DSCAM: variants seen among roughly 807,000 people sequenced by gnomAD.
DSCAM encodes DS cell adhesion molecule.
In DSCAM, 47 loss-of-function variants were observed where a neutral mutation model predicts 217.7. The observed-to-expected ratio is 0.22, with a 90% CI of 0.17 to 0.28. The LOEUF (loss-of-function observed/expected upper bound fraction) is 0.28. DSCAM is among the 10% of genes least tolerant of loss of function. The pLI, the probability that DSCAM is intolerant of heterozygous loss-of-function variation, is 1.00. For synonymous variants in DSCAM, 1,056 were observed against 1,015.3 expected, an observed-to-expected ratio of 1.04 and a Z score of -0.76; for missense variants, 2,080 against 2,618.3, an observed-to-expected ratio of 0.79 and a Z score of 4.49.
intron 3 of DSCAM, among the ~76,000 whole-genome samples, chr21:40,542,902 C>A (rs888212833): frequency 6.6e-6 from 1 of 152,096 alleles, no homozygotes; most frequent in Non-Finnish European, 1.5e-5. Flanking sequence ...GAAACGACCC[C>A]AGGAAAGAGC....
chr21:40,778,473 T>G (rs1305060460), intron 1 of DSCAM, among the ~76,000 whole-genome samples: 3 of 152,198 alleles, frequency 2.0e-5, no homozygotes, highest in African/African-American at 7.2e-5. Context: ...CTGCTTTTGT[T>G]TTTTGTTTGC....
chr21:40,485,759 T>C (rs546924570), intron 3 of DSCAM, among the ~76,000 whole-genome samples: 3 of 152,278 alleles, frequency 2.0e-5, no homozygotes, highest in East Asian at 3.9e-4. Flanking sequence ...TAAACCTGTA[T>C]ACTTAAATTG....
intron 1 of DSCAM, among the ~76,000 whole-genome samples, chr21:40,819,082 A>T (rs2837837): frequency 0.069 from 10,508 of 152,266 alleles, 445 homozygotes; most frequent in East Asian, 0.12. Context: ...GGTAGGCTGG[A>T]TTCTTCACTG....
At chr21:40,475,227 G>A (rs949208742) in intron 3 of DSCAM, among the ~76,000 whole-genome samples, 5 of 152,204 alleles carry the variant, frequency 3.3e-5, no homozygotes, top group East Asian at 3.8e-4. Flanking sequence ...TTTATTCCAC[G>A]TTTAAACCTT....
chr21:40,093,997 A>C, intron 20 of DSCAM, 123 bp from the exon 21 acceptor site: 1 of 1,026,170 alleles, frequency 9.7e-7, no homozygotes, highest in Non-Finnish European at 1.4e-6. Context: ...ACTCTCCTCT[A>C]AAAGGCTGGC....
At chr21:40,673,877 C>T (rs112421286) in intron 3 of DSCAM, among the ~76,000 whole-genome samples, 28 of 152,286 alleles carry the variant, frequency 1.8e-4, no homozygotes, top group African/African-American at 6.3e-4. Flanking sequence ...CTATAGCCTG[C>T]AGAACCGTGA....
intron 11 of DSCAM, among the ~76,000 whole-genome samples, chr21:40,267,292 A>G (rs1257826783): frequency 2.0e-5 from 3 of 151,954 alleles, no homozygotes; most frequent in African/African-American, 7.3e-5. Flanking sequence ...TAGAAGGAGT[A>G]GTCTAAAGTA....
At chr21:40,753,648 T>C (rs973407254) in intron 1 of DSCAM, among the ~76,000 whole-genome samples, 3 of 152,226 alleles carry the variant, frequency 2.0e-5, no homozygotes, top group Admixed American at 6.5e-5. Flanking sequence ...TGGTAGTAAT[T>C]GCTTTTAAAC....
chr21:40,536,318 G>A (rs2076495742), intron 3 of DSCAM, among the ~76,000 whole-genome samples: 1 of 149,738 alleles, frequency 6.7e-6, no homozygotes, highest in South Asian at 2.2e-4. Flanking sequence ...TCATTACAGA[G>A]GTGATGTGAA....
At chr21:40,033,305 T>C (rs1324368931) in intron 32 of DSCAM, among the ~76,000 whole-genome samples, 1 of 151,840 alleles carries the variant, frequency 6.6e-6, no homozygotes, top group Non-Finnish European at 1.5e-5. Context: ...TGGGCGCAGG[T>C]CAGTGGGTGT....
rs569131925 is a variant in DSCAM at position 40,205,165 on chromosome 21, C to T, written c.2357-15927G>A. On this transcript the variant is annotated intron_variant, in intron 11 of 32. Coordinates refer to ENST00000400454, the MANE Select transcript of DSCAM (RefSeq NM_001389.5). ...GTGTAAAGGTCCCTCCCAGGGGAGA[C>T]GAACAGACACTAATTGAGGTATTGA... Among the ~76,000 whole-genome samples, 28 of 152,294 alleles carry T rather than the reference C, an allele frequency of 1.8e-4. 1 individual carries two copies. The East Asian group carries it at 4.7e-3, about 25-fold the overall frequency.
At chr21:40,706,464 A>C (rs933270878) in intron 2 of DSCAM, among the ~76,000 whole-genome samples, 2 of 152,174 alleles carry the variant, frequency 1.3e-5, no homozygotes, top group African/African-American at 4.8e-5. Flanking sequence ...CCTAGGTCAA[A>C]ATTTCTGAAA....
chr21:40,537,280 G>A (rs1236782666), intron 3 of DSCAM, among the ~76,000 whole-genome samples: 1 of 152,218 alleles, frequency 6.6e-6, no homozygotes, highest in Middle Eastern at 3.2e-3. Context: ...GTGAGGAAGG[G>A]AGGTAGGTCG....
chr21:40,514,637 C>T (rs1397818456), intron 3 of DSCAM, among the ~76,000 whole-genome samples: 1 of 152,166 alleles, frequency 6.6e-6, no homozygotes, highest in Non-Finnish European at 1.5e-5. Flanking sequence ...AACTAACGAT[C>T]CTTTATGAAA....
At chr21:40,354,270 C>T (rs1569080805) in intron 4 of DSCAM, among the ~76,000 whole-genome samples, 1 of 152,134 alleles carries the variant, frequency 6.6e-6, no homozygotes. Flanking sequence ...ATCCCAAGTA[C>T]ACTGATTTGA....
chr21:40,527,187 G>A (rs2076407385), intron 3 of DSCAM, among the ~76,000 whole-genome samples: 1 of 152,130 alleles, frequency 6.6e-6, no homozygotes, highest in Admixed American at 6.5e-5. Context: ...CAGCCACACT[G>A]CCTTCAGACA....
chr21:40,458,852 A>G (rs2075783783), intron 3 of DSCAM, among the ~76,000 whole-genome samples: 2 of 152,156 alleles, frequency 1.3e-5, no homozygotes, highest in Admixed American at 6.5e-5. Context: ...CCACAAAGTT[A>G]GAACTTATCA....
chr21:40,518,159 G>A (rs939307180), intron 3 of DSCAM, among the ~76,000 whole-genome samples: 7 of 148,492 alleles, frequency 4.7e-5, no homozygotes, highest in South Asian at 2.1e-4. Context: ...GTGAATAGCC[G>A]ATATTCCAAT....
chr21:40,525,986 AC>A (rs1222476119), intron 3 of DSCAM, among the ~76,000 whole-genome samples: 4 of 151,476 alleles, frequency 2.6e-5, no homozygotes, highest in African/African-American at 7.3e-5. Context: ...GTGGGACTGA[AC>A]CCCAGTTTCC....
Sources: allele counts gnomAD v4.1 joint callset (sites outside exome capture counted in the v4.1 genomes callset), GRCh38; gene constraint gnomAD v4.1.1; transcripts MANE v1.5; gene names NCBI Gene and HGNC (gene_info 2026-07-23, HGNC 2026-07-21).